The following SBF1 variants were observed in gnomAD, a reference collection of about 807,000 sequenced individuals.
SBF1 encodes the protein myotubularin-related protein 5.
Under a neutral mutation model 215.8 loss-of-function variants are expected in SBF1, and 65 were observed. The observed-to-expected ratio is 0.30, with a 90% CI of 0.25 to 0.37. SBF1 has a LOEUF of 0.37. Among genes scored for constraint, SBF1 ranks in the 10% least tolerant of loss-of-function variants. SBF1 has a pLI of 1.00. For synonymous variants in SBF1, 1,410 were observed against 1,122.8 expected (o/e 1.26, Z -5.11); for missense variants, 2,634 against 2,667.8 (o/e 0.99, Z 0.28).
In SBF1 at chr22:50,455,511, G is replaced by T; in HGVS notation, c.4338C>A (p.Gly1446=). 1 of 1,606,610 alleles carries T rather than the reference G, an allele frequency of 6.2e-7. No individual in the cohort carries two copies. The highest frequency in any genetic ancestry group is 1.1e-5 in the South Asian group (1 of 90,180). ...TGGTGATGTCCCAGCCATCCTCCAG[G>T]CCCACCAGCACGGAGGAGCCTGAAT... The part of the protein sequence containing the change: ...LLDSGSSVLV[G]LEDGWDITTQ... Residue 1446 remains glycine, a synonymous_variant, in exon 32 of 41, where the codon GGC becomes GGA. Transcript: ENST00000380817.
rs1207028283 is a variant in SBF1 at position 50,460,262 on chromosome 22, A to T, written c.3283+10T>A. On this transcript the variant is annotated intron_variant, in intron 25 of 40. Coordinates refer to ENST00000380817, the MANE Select transcript of SBF1 (RefSeq NM_002972.4). ...AGAGACCACCCAGGACTCCACCCCC[A>T]CCCCTCCACCTGAGATCTCGTCCTC... is the stretch of plus-strand genomic sequence containing the variant. 6.3e-7 allele frequency: 1 copy of T among 1,596,762 alleles called. No individual in the cohort carries two copies. Among genetic ancestry groups the T allele is most frequent in the Non-Finnish European group, 8.6e-7 (1 of 1,169,356 alleles).
chr22:50,472,121 C>T (rs914842573), intron 1 of SBF1, among the ~76,000 whole-genome samples: 2 of 152,186 alleles, frequency 1.3e-5, no homozygotes, highest in Non-Finnish European at 2.9e-5. Flanking sequence ...GAAGGTGATC[C>T]CTGACTCACC....
rs1313519015 is a variant in SBF1 at position 50,463,156 on chromosome 22, G to A, written c.1899+127C>T. ...TCCACCCTGTTCCCTGCAGACCGAG[G>A]ACCCCTGCCCACTGGCACAGGAGTC... On this transcript the variant is annotated intron_variant, in intron 16 of 40. Coordinates refer to ENST00000380817, the MANE Select transcript of SBF1 (RefSeq NM_002972.4). The A allele has an allele frequency of 1.1e-5, 14 of 1,315,616 alleles. No individual in the cohort carries two copies. The East Asian group carries it at 2.8e-4, about 26-fold the overall frequency. 81.5% of individuals were successfully genotyped at this position (1,315,616 alleles called of 1,614,324 possible). A position where few individuals can be genotyped will look rare whatever the true frequency, so the allele number is the denominator to read the frequency against.
At position 50,456,550 on chromosome 22, in the gene SBF1, C is replaced by A. The variant is rs2067258910; in HGVS notation, c.4028G>T (p.Gly1343Val). 3 of 1,587,580 alleles carry A rather than the reference C, an allele frequency of 1.9e-6. No individual in the cohort carries two copies. Among genetic ancestry groups the A allele is most frequent in the Non-Finnish European group, 1.7e-6 (2 of 1,167,762 alleles). The change falls in exon 30 of 41, where the codon GGC (glycine) becomes GTC (valine). Residue 1343 changes from glycine to valine, a missense_variant. Physicochemically the swap from Gly to Val is moderately radical, Grantham distance 109. Coordinates refer to ENST00000380817, the MANE Select transcript of SBF1 (RefSeq NM_002972.4). Reference protein sequence around the residue: ...PQANGGPPDPGFLRPQRAALY... With the variant: ...PQANGGPPDPVFLRPQRAALY... ...GGCTGCTCGCTGCGGACGCAGGAAG[C>A]CCGGGTCGGGAGGGCCCCCGTTGGC...
chr22:50,472,607 T>G (rs2068036007), intron 1 of SBF1, among the ~76,000 whole-genome samples: 1 of 152,174 alleles, frequency 6.6e-6, no homozygotes, highest in East Asian at 1.9e-4. Flanking sequence ...CCTGGGAGGT[T>G]AGCATGACTC....
At chr22:50,462,960 G>A (rs186195921) in intron 16 of SBF1, 22 bp from the exon 17 acceptor site, 51 of 1,601,978 alleles carry the variant, frequency 3.2e-5, no homozygotes, top group Admixed American at 6.8e-5. Flanking sequence ...GCGAGAGACC[G>A]TCAGGACCTC....
At chr22:50,454,408 C>T (rs558873377) in intron 36 of SBF1, 104 bp downstream of exon 36, 21 of 1,018,518 alleles carry the variant, frequency 2.1e-5, no homozygotes, top group South Asian at 1.7e-4. Context: ...CAGGGGTAAC[C>T]GGACTTACGT....
At chr22:50,453,541 A>C (rs2067128970) in intron 36 of SBF1, among the ~76,000 whole-genome samples, 1 of 152,206 alleles carries the variant, frequency 6.6e-6, no homozygotes. Context: ...TAATCCCAGC[A>C]CTTTGGGAGG....
rs769939317 is a variant in SBF1, at chr22:50,448,610, T to C, written c.5084A>G (p.Glu1695Gly). The change falls in exon 37 of 41, where the codon GAG becomes GGG. Residue 1695 changes from glutamate to glycine, a missense_variant. Physicochemically the swap from Glu to Gly is moderately conservative, Grantham distance 98. Transcript: ENST00000380817. The part of the protein sequence containing the change: ...RLETELGQPA[E>G]RWKDTWDRVK... ...CCGGTCCCAGGTGTCCTTCCAGCGC[T>C]CAGCGGGTTGGCCCAACTCTGTCTC... is the stretch of plus-strand genomic sequence containing the variant. The C allele has an allele frequency of 1.2e-6, 2 of 1,611,878 alleles. No individual in the cohort carries two copies. Among genetic ancestry groups the C allele is most frequent in the Non-Finnish European group, 1.7e-6 (2 of 1,180,008 alleles).
In SBF1 at chr22:50,447,077, G is replaced by A. The variant is rs921132007; in HGVS notation, c.*65C>T. The A allele has an allele frequency of 4.1e-5, 58 of 1,426,764 alleles. No homozygotes were observed. Among genetic ancestry groups the A allele is most frequent in the East Asian group, 3.4e-4 (14 of 41,358 alleles). 88.4% of individuals were successfully genotyped at this position (1,426,764 alleles called of 1,614,324 possible). ...CCGGGGCTGTAAACATGGCCGGGGCGGCCCTGCCCACCCCTAGTGGTCGGT... is the reference window on the plus strand; with the variant it reads ...CCGGGGCTGTAAACATGGCCGGGGCAGCCCTGCCCACCCCTAGTGGTCGGT... On this transcript the variant is annotated 3_prime_UTR_variant, in exon 41 of 41. Transcript: ENST00000380817.
rs372332373 is a variant in SBF1, at chr22:50,447,148, G to A, written c.5676C>T (p.Asp1892=). The part of the protein sequence containing the change: ...WVDRIQSCLS[D]A ...CCGGGCAGGGCTGGGAGGCTCAGGC[G>A]TCCGACAGGCAGCTCTGGATCCGGT... The change falls in exon 41 of 41, where the codon GAC becomes GAT. Residue 1892 remains aspartate, a synonymous_variant. Coordinates refer to ENST00000380817, the MANE Select transcript of SBF1 (RefSeq NM_002972.4). The A allele has an allele frequency of 2.3e-4, 367 of 1,611,998 alleles. No individual in the cohort carries two copies. The highest frequency in any genetic ancestry group is 2.8e-4 in the Non-Finnish European group (334 of 1,179,506).
chr22:50,454,281 C>T (rs2067159065), intron 36 of SBF1, among the ~76,000 whole-genome samples: 1 of 152,118 alleles, frequency 6.6e-6, no homozygotes, highest in African/African-American at 2.4e-5. Flanking sequence ...TGATGACGGC[C>T]CTCCTGTCAC....
intron 36 of SBF1, among the ~76,000 whole-genome samples, chr22:50,449,240 A>G (rs1402426190): frequency 6.6e-6 from 1 of 152,182 alleles, no homozygotes; most frequent in Non-Finnish European, 1.5e-5. Context: ...AGCTTACAAT[A>G]AAAGAACAGC....
chr22:50,456,117 C>T, intron 31 of SBF1, 99 bp downstream of exon 31: 9 of 1,304,182 alleles, frequency 6.9e-6, no homozygotes, highest in Non-Finnish European at 9.4e-6. Flanking sequence ...TCCAGCGCTC[C>T]ACACTGTCAG....
rs375433412 is a variant in SBF1, at chr22:50,466,298, G to A, written c.789-40C>T. ...GAGGATGCAGTGAGCCAGGGGACGC[G>A]GCTGGGCAAAGGGGCCAGGAGAAGG... is the stretch of plus-strand genomic sequence containing the variant. On this transcript the variant is annotated intron_variant, in intron 7 of 40. Transcript: ENST00000380817. 4,400 of 1,611,232 alleles carry A rather than the reference G, an allele frequency of 2.7e-3. 9 individuals are homozygous for A. Among genetic ancestry groups the A allele is most frequent in the Middle Eastern group, 4.1e-3 (25 of 6,056 alleles).
chr22:50,470,096 A>G (rs1376081905), intron 1 of SBF1, among the ~76,000 whole-genome samples: 1 of 149,438 alleles, frequency 6.7e-6, no homozygotes, highest in East Asian at 2.0e-4. Context: ...AGGACAGCTC[A>G]CTCAGGCGCA....
chr22:50,463,403 C>T lies in SBF1; in HGVS notation c.1779G>A (p.Lys593=), dbSNP rs1265611580. Residue 593 remains lysine, a synonymous_variant, in exon 16 of 41, where the codon AAG becomes AAA. Transcript: ENST00000380817. ...CGAGGCAGCGGCGGGCAGCTCGCCC[C>T]TTCAGGGCCCTCAACACGGCTGGGA... The part of the protein sequence containing the change: ...KLLPAVLRAL[K]GRAARRCLAQ... 4 of 1,585,256 alleles carry T rather than the reference C, an allele frequency of 2.5e-6. No homozygotes were observed. Among genetic ancestry groups the T allele is most frequent in the East Asian group, 4.6e-5 (2 of 43,470 alleles).
In SBF1 at chr22:50,447,162, T is replaced by C. The variant is rs1295255217; in HGVS notation, c.5662A>G (p.Ser1888Gly). ...SAQQWVDRIQ[S>G]CLSDA ...GAGGCTCAGGCGTCCGACAGGCAGC[T>C]CTGGATCCGGTCCACCCACTGCTGG... The change falls in exon 41 of 41, where the codon AGC becomes GGC. Residue 1888 changes from serine to glycine, a missense_variant. Transcript: ENST00000380817. The C allele has an allele frequency of 4.3e-6, 7 of 1,612,642 alleles. No individual in the cohort carries two copies. The highest frequency in any genetic ancestry group is 5.9e-6 in the Non-Finnish European group (7 of 1,179,830).
At chr22:50,460,739 G>A in intron 23 of SBF1, 27 bp from the exon 24 acceptor site, 5 of 1,600,230 alleles carry the variant, frequency 3.1e-6, no homozygotes, top group Non-Finnish European at 4.3e-6. Context: ...AGCCCTTAGG[G>A]GTGTGGGTGG....
Sources: gnomAD v4.1 joint callset for allele counts (sites outside exome capture counted in the v4.1 genomes callset) on GRCh38, gnomAD v4.1.1 for gene constraint, MANE v1.5 for transcripts, NCBI Gene and HGNC (gene_info 2026-07-23, HGNC 2026-07-21) for gene names.